Variants in ANGPT2 observed in about 807,000 individuals in gnomAD.
ANGPT2 encodes angiopoietin 2.
In ANGPT2, 28 loss-of-function variants were observed where a neutral mutation model predicts 62.9. The ratio of observed to expected loss-of-function variants is 0.44; its 90% CI spans 0.33 to 0.61. The LOEUF is 0.61. Ranked by LOEUF, ANGPT2 falls within the 20% of genes least tolerant of loss-of-function variation. The probability of loss-of-function intolerance (pLI) is 0.03; values close to 1 mark genes in which losing one functional copy is unlikely to be tolerated. For missense variants in ANGPT2, 727 were observed against 594.9 expected (o/e 1.22, Z -2.31); for synonymous variants, 284 against 207.8 (o/e 1.37, Z -3.15).
intron 1 of ANGPT2, among the ~76,000 whole-genome samples, chr8:6,539,330 T>A (rs1821093324): frequency 6.6e-6 from 1 of 152,222 alleles, no homozygotes. Flanking sequence ...TGCCATCTGT[T>A]GACTGTTTTT....
In ANGPT2 at chr8:6,502,463, A is replaced by G. The variant is rs1250397501; in HGVS notation, c.*638T>C. 1 of 152,240 alleles carries G rather than the reference A, an allele frequency of 6.6e-6. No homozygotes were observed. Among genetic ancestry groups the G allele is most frequent in the Non-Finnish European group, 1.5e-5 (1 of 68,038 alleles). 9.4% of individuals were successfully genotyped at this position (152,240 alleles called of 1,614,324 possible). On this transcript the variant is annotated 3_prime_UTR_variant, in exon 9 of 9. Coordinates refer to ENST00000629816, the MANE Select transcript of ANGPT2 (RefSeq NM_001118887.2). ...AATTTGAAATACGTATTTGAGCATT[A>G]ACTTATAACTAAGCTGTCAACATAA...
chr8:6,539,621 C>G (rs145915883), intron 1 of ANGPT2, among the ~76,000 whole-genome samples: 126 of 152,260 alleles, frequency 8.3e-4, no homozygotes, highest in Middle Eastern at 3.4e-3. Flanking sequence ...GAGTCTCGCT[C>G]TGTCTCTCAG....
intron 1 of ANGPT2, among the ~76,000 whole-genome samples, chr8:6,533,148 A>T (rs1157730201): frequency 2.0e-5 from 3 of 152,232 alleles, no homozygotes; most frequent in African/African-American, 7.2e-5. Flanking sequence ...GCAAACTTTT[A>T]ATCGCACCTT....
At chr8:6,527,701 T>G in intron 2 of ANGPT2, 25 bp from the exon 3 acceptor site, 1 of 1,570,086 alleles carries the variant, frequency 6.4e-7, no homozygotes, top group Middle Eastern at 1.9e-4. Flanking sequence ...ATGAAGTTCC[T>G]ATTAATTATT....
intron 3 of ANGPT2, among the ~76,000 whole-genome samples, chr8:6,522,303 T>A (rs1018807987): frequency 6.6e-6 from 1 of 150,720 alleles, no homozygotes; most frequent in Non-Finnish European, 1.5e-5. Context: ...TGCAGTGAGC[T>A]GAGATCATGC....
chr8:6,504,877 G>C (rs1812967347), intron 8 of ANGPT2, among the ~76,000 whole-genome samples: 1 of 152,108 alleles, frequency 6.6e-6, no homozygotes, highest in Admixed American at 6.6e-5. Flanking sequence ...GCATTTGCTG[G>C]ACATCTTGGA....
intron 1 of ANGPT2, among the ~76,000 whole-genome samples, chr8:6,545,965 A>G (rs1425506136): frequency 6.6e-6 from 1 of 152,246 alleles, no homozygotes; most frequent in Non-Finnish European, 1.5e-5. Context: ...TTGGGGAAGT[A>G]GCGATATTTG....
At chr8:6,536,034 G>C (rs546303780) in intron 1 of ANGPT2, among the ~76,000 whole-genome samples, 1 of 152,056 alleles carries the variant, frequency 6.6e-6, no homozygotes, top group Non-Finnish European at 1.5e-5. Flanking sequence ...TGCAGCTTGG[G>C]CGACAGAGTG....
chr8:6,509,193 C>G, intron 7 of ANGPT2, 131 bp from the exon 8 acceptor site: 2 of 1,189,160 alleles, frequency 1.7e-6, no homozygotes, highest in Non-Finnish European at 2.3e-6. Context: ...AATGCATACT[C>G]TGGACAAAAT....
chr8:6,529,995 T>C (rs910432143), intron 2 of ANGPT2, among the ~76,000 whole-genome samples: 1 of 152,076 alleles, frequency 6.6e-6, no homozygotes, highest in Non-Finnish European at 1.5e-5. Context: ...CACTTTTTCA[T>C]TACTATTATT....
chr8:6,510,932 C>T (rs1192746655), intron 7 of ANGPT2, among the ~76,000 whole-genome samples: 1 of 152,172 alleles, frequency 6.6e-6, no homozygotes, highest in South Asian at 2.1e-4. Flanking sequence ...TCTCTAAATG[C>T]CTGCTGCAAA....
At chr8:6,553,593 C>T (rs1386330735) in intron 1 of ANGPT2, among the ~76,000 whole-genome samples, 1 of 152,136 alleles carries the variant, frequency 6.6e-6, no homozygotes, top group Non-Finnish European at 1.5e-5. Flanking sequence ...TGAACATATC[C>T]CTTTGCCATA....
At chr8:6,526,767 T>C (rs1276749153) in intron 3 of ANGPT2, among the ~76,000 whole-genome samples, 10 of 152,326 alleles carry the variant, frequency 6.6e-5, no homozygotes, top group Middle Eastern at 3.4e-3. Context: ...ATGTTGTATA[T>C]ACATGTCTTC....
rs756859469 is a variant in ANGPT2 at position 6,527,653 on chromosome 8, A to C, written c.468T>G (p.Leu156=). 1.2e-6 allele frequency: 2 copies of C among 1,613,874 alleles called. No homozygotes were observed. Among genetic ancestry groups the C allele is most frequent in the South Asian group, 1.1e-5 (1 of 91,076 alleles). ...GGGAGTGTTCCAAGAGCTGAAGTTC[A>C]AGTCTCGTGGTCTGATTTAATACCT... is the stretch of plus-strand genomic sequence containing the variant. ...EAQVLNQTTR[L]ELQLLEHSLS... Residue 156 remains leucine (L), a synonymous_variant, in exon 3 of 9, where the codon CTT becomes CTG. Transcript: ENST00000629816.
In ANGPT2 at chr8:6,501,903, A is replaced by G. The variant is rs940738500; in HGVS notation, c.*1198T>C. ...AATATTTAAATATATTATGAACATC[A>G]GATTTTGTTTTTGCACTTTGAAACC... On this transcript the variant is annotated 3_prime_UTR_variant, in exon 9 of 9. Transcript: ENST00000629816. 4.0e-5 allele frequency: 6 copies of G among 149,006 alleles called. No individual in the cohort carries two copies. The highest frequency in any genetic ancestry group is 7.4e-5 in the Non-Finnish European group (5 of 67,208). The allele number at this position is 149,006 out of a possible 1,614,324, so 9.2% of individuals were successfully genotyped here. A position where few individuals can be genotyped will look rare whatever the true frequency, so the allele number is the denominator to read the frequency against.
intron 7 of ANGPT2, among the ~76,000 whole-genome samples, chr8:6,510,321 G>C (rs1354301316): frequency 1.3e-5 from 2 of 152,142 alleles, no homozygotes; most frequent in African/African-American, 4.8e-5. Context: ...GGCACACGAA[G>C]ACCCAGGCGA....
intron 1 of ANGPT2, among the ~76,000 whole-genome samples, chr8:6,535,040 C>G (rs1359989377): frequency 1.3e-5 from 2 of 152,184 alleles, no homozygotes; most frequent in Non-Finnish European, 2.9e-5. Flanking sequence ...AGGCTTGGAA[C>G]TATAGAGATA....
chr8:6,527,444 T>TA (rs1414771708), intron 3 of ANGPT2, 111 bp downstream of exon 3: 2 of 1,370,028 alleles, frequency 1.5e-6, no homozygotes, highest in African/African-American at 2.9e-5. Flanking sequence ...TTCTGACCCT[T>TA]ACACTAGACA....
In ANGPT2 at chr8:6,544,934, G is replaced by A. The variant is rs1278868957; in HGVS notation, c.289-12447C>T. ...TCTCACTAGTTTTGTTCTCACAATG[G>A]AATTATTATTTTGATTTTTAAATGT... On this transcript the variant is annotated intron_variant, in intron 1 of 8. Coordinates refer to ENST00000629816, the MANE Select transcript of ANGPT2 (RefSeq NM_001118887.2). 4.6e-5 allele frequency among the ~76,000 whole-genome samples: 7 copies of A among 152,278 alleles called. No individual in the cohort carries two copies. In the East Asian group the frequency reaches 1.3e-3, roughly 29 times the overall value.
Sources: gnomAD v4.1 joint callset for allele counts (sites outside exome capture counted in the v4.1 genomes callset) on GRCh38, gnomAD v4.1.1 for gene constraint, MANE v1.5 for transcripts, NCBI Gene and HGNC (gene_info 2026-07-23, HGNC 2026-07-21) for gene names.